Variants in CNTLN observed in about 807,000 individuals in gnomAD.
CNTLN encodes the protein centlein, centrosomal protein.
In CNTLN, 212 loss-of-function variants were observed where a neutral mutation model predicts 180.0. That is an observed-to-expected ratio of 1.18 (90% CI 1.05 to 1.32). The LOEUF is 1.32. Among genes scored for constraint, CNTLN ranks in the 40% most tolerant of loss-of-function variants. The pLI is 0.00. For missense variants in CNTLN, 2,095 were observed against 1,610.9 expected (o/e 1.30, Z -5.14); for synonymous variants, 722 against 563.1 (o/e 1.28, Z -3.99).
At chr9:17,388,747 T>A (rs1051160303) in intron 14 of CNTLN, among the ~76,000 whole-genome samples, 3 of 151,876 alleles carry the variant, frequency 2.0e-5, no homozygotes, top group African/African-American at 7.2e-5. Context: ...CCAGTATGAT[T>A]TAGTACAGCA....
chr9:17,421,512 T>A (rs1003094983), intron 18 of CNTLN, among the ~76,000 whole-genome samples: 2 of 152,142 alleles, frequency 1.3e-5, no homozygotes, highest in Non-Finnish European at 2.9e-5. Flanking sequence ...TCTTGTTTTT[T>A]AATCCATTCA....
In CNTLN at chr9:17,309,256, A is replaced by G. The variant is rs1317931451; in HGVS notation, c.1341+4A>G. The G allele has an allele frequency of 6.5e-7, 1 of 1,540,918 alleles. No individual in the cohort carries two copies. Among genetic ancestry groups the G allele is most frequent in the Admixed American group, 2.1e-5 (1 of 47,656 alleles). ...TGATCCAGACTACTCAGCACAGGTG[A>G]GAGACATTTTCTAAAACTGTTATTC... is the stretch of plus-strand genomic sequence containing the variant. On this transcript the variant is annotated splice_donor_region_variant and intron_variant, in intron 8 of 25. Transcript: ENST00000380647.
At chr9:17,440,844 C>G (rs906209750) in intron 18 of CNTLN, among the ~76,000 whole-genome samples, 2 of 152,072 alleles carry the variant, frequency 1.3e-5, no homozygotes, top group Non-Finnish European at 2.9e-5. Flanking sequence ...TAATAAAAGA[C>G]CATATACAGT....
intron 25 of CNTLN, among the ~76,000 whole-genome samples, chr9:17,489,174 G>A (rs1310379438): frequency 2.6e-5 from 4 of 151,698 alleles, no homozygotes; most frequent in Non-Finnish European, 5.9e-5. Flanking sequence ...CTCAATCCAA[G>A]CAATTATATT....
At chr9:17,253,832 A>T (rs775605371) in intron 5 of CNTLN, among the ~76,000 whole-genome samples, 4 of 151,116 alleles carry the variant, frequency 2.6e-5, no homozygotes, top group Non-Finnish European at 5.9e-5. Context: ...AAGTGGTAAA[A>T]CTGGGCATTC....
intron 2 of CNTLN, among the ~76,000 whole-genome samples, chr9:17,187,449 A>G (rs921076769): frequency 2.0e-5 from 3 of 152,054 alleles, no homozygotes; most frequent in East Asian, 3.8e-4. Flanking sequence ...AACAAGTAGT[A>G]ATGGGGTCAT....
At chr9:17,517,408 A>C in the CNTLN span, among the ~76,000 whole-genome samples, 2 of 151,910 alleles carry the variant, frequency 1.3e-5, no homozygotes, top group Non-Finnish European at 2.9e-5. Context: ...AACAAAAAAA[A>C]AAAGTTAAAA....
In CNTLN at chr9:17,152,230, C is replaced by G. The variant is rs146611262; in HGVS notation, c.449+8854C>G. Among the ~76,000 whole-genome samples, 203 of 152,226 alleles carry G rather than the reference C, an allele frequency of 1.3e-3. 1 individual carries two copies. Among genetic ancestry groups the G allele is most frequent in the Non-Finnish European group, 1.8e-3 (121 of 68,022 alleles). On this transcript the variant is annotated intron_variant, in intron 2 of 25. Transcript: ENST00000380647. ...TTTGAATTTGTTTGCTGTTGCTTCT[C>G]TAGTCCTTTTAATTGTGATGTTAGG...
At chr9:17,351,625 CTA>C (rs1822371920) in intron 12 of CNTLN, among the ~76,000 whole-genome samples, 1 of 152,082 alleles carries the variant, frequency 6.6e-6, no homozygotes, top group African/African-American at 2.4e-5. Context: ...CACAAACATC[CTA>C]TCTTATTTCT....
At chr9:17,464,728 G>T in intron 21 of CNTLN, 105 bp downstream of exon 21, 1 of 677,052 alleles carries the variant, frequency 1.5e-6, no homozygotes, top group Non-Finnish European at 2.3e-6. Context: ...AATATTGATA[G>T]GATATGTATT....
intron 23 of CNTLN, among the ~76,000 whole-genome samples, chr9:17,482,182 A>G (rs1832683667): frequency 6.6e-6 from 1 of 152,206 alleles, no homozygotes; most frequent in African/African-American, 2.4e-5. Context: ...ATGATGGACA[A>G]CTAAACCAAA....
chr9:17,327,756 C>T (rs1820400956), intron 8 of CNTLN, among the ~76,000 whole-genome samples: 1 of 152,014 alleles, frequency 6.6e-6, no homozygotes. Flanking sequence ...GAGTTCGAGA[C>T]CAGCCTGATC....
chr9:17,526,968 C>T, the CNTLN span, among the ~76,000 whole-genome samples: 2 of 152,220 alleles, frequency 1.3e-5, no homozygotes, highest in South Asian at 2.1e-4. Flanking sequence ...ACTTCCGCCT[C>T]CTGGGTCCAA....
intron 2 of CNTLN, among the ~76,000 whole-genome samples, chr9:17,185,878 T>C (rs1356125691): frequency 1.3e-5 from 2 of 151,808 alleles, no homozygotes; most frequent in Non-Finnish European, 2.9e-5. Context: ...CTGTAGCCTC[T>C]ACCTCCTGGG....
chr9:17,496,929 G>T (rs1478459141), intron 25 of CNTLN, among the ~76,000 whole-genome samples: 4 of 152,176 alleles, frequency 2.6e-5, no homozygotes, highest in Non-Finnish European at 5.9e-5. Context: ...AGATGTATTT[G>T]TCATTATGTG....
intron 23 of CNTLN, among the ~76,000 whole-genome samples, chr9:17,477,383 C>T (rs1445231854): frequency 2.0e-5 from 3 of 152,096 alleles, no homozygotes; most frequent in African/African-American, 4.8e-5. Flanking sequence ...TTAAGAAATA[C>T]ATTTCACAAG....
At chr9:17,444,560 C>T (rs1830295081) in intron 18 of CNTLN, among the ~76,000 whole-genome samples, 1 of 152,146 alleles carries the variant, frequency 6.6e-6, no homozygotes, top group Non-Finnish European at 1.5e-5. Flanking sequence ...AAAATACACA[C>T]ACATCTGGGT....
At chr9:17,378,284 A>G (rs564640674) in intron 13 of CNTLN, among the ~76,000 whole-genome samples, 79 of 152,192 alleles carry the variant, frequency 5.2e-4, no homozygotes, top group Admixed American at 1.0e-3. Flanking sequence ...GGTTCAAGCA[A>G]TTCTCCTGCC....
intron 2 of CNTLN, among the ~76,000 whole-genome samples, chr9:17,185,874 C>T (rs1821405456): frequency 6.6e-6 from 1 of 151,312 alleles, no homozygotes; most frequent in African/African-American, 2.4e-5. Flanking sequence ...CTTACTGTAG[C>T]CTCTACCTCC....
Sources: allele counts gnomAD v4.1 joint callset (sites outside exome capture counted in the v4.1 genomes callset), GRCh38; gene constraint gnomAD v4.1.1; transcripts MANE v1.5; gene names NCBI Gene and HGNC (gene_info 2026-07-23, HGNC 2026-07-21).